Variants in CRB1 observed in about 807,000 individuals in gnomAD.
The protein encoded by CRB1 is protein crumbs homolog 1.
CRB1 carries 83 observed loss-of-function variants against 120.0 expected under a neutral mutation model. That is an observed-to-expected ratio of 0.69 (90% CI 0.58 to 0.83). The LOEUF is 0.83. CRB1 is among the 40% of genes least tolerant of loss of function. The pLI is 0.00. For synonymous variants in CRB1, 625 were observed against 612.5 expected (o/e 1.02, Z -0.30); for missense variants, 1,699 against 1,687.6 (o/e 1.01, Z -0.12).
chr1:197,414,286 A>G (rs1196628043), intron 5 of CRB1, among the ~76,000 whole-genome samples: 1 of 152,168 alleles, frequency 6.6e-6, no homozygotes, highest in African/African-American at 2.4e-5. Context: ...TCTAGTATAT[A>G]TATATCTAGG....
the CRB1 span, among the ~76,000 whole-genome samples, chr1:197,231,037 T>G: frequency 6.6e-6 from 1 of 152,198 alleles, no homozygotes; most frequent in Non-Finnish European, 1.5e-5. Flanking sequence ...TAGCTGTAAT[T>G]AATAGACTTT....
chr1:197,328,435 T>C lies in CRB1; in HGVS notation c.84T>C (p.Asn28=), dbSNP rs1342033464. ...LLIYIKNSFC[N]KNNTRCLSNS... Reference sequence around the variant, plus strand: ...ATTTCCTTGTAGATTCCTTTTGCAATAAAAACAACACCAGGTGCCTCTCAA... The same window carrying C: ...ATTTCCTTGTAGATTCCTTTTGCAACAAAAACAACACCAGGTGCCTCTCAA... The change falls in exon 2 of 12, where the codon AAT becomes AAC. Residue 28 remains asparagine, a synonymous_variant. Transcript: ENST00000367400. 2 of 1,613,312 alleles carry C rather than the reference T, an allele frequency of 1.2e-6. No homozygotes were observed. The highest frequency in any genetic ancestry group is 1.6e-4 in the Middle Eastern group (1 of 6,062).
intron 10 of CRB1, chr1:197,441,659 C>CTTTTTTTTTTTTTTTTTTTTT (rs5779872): frequency 2.9e-5 from 2 of 68,196 alleles, no homozygotes; most frequent in Non-Finnish European, 5.1e-5. Flanking sequence ...TTCCCTCCTT[C>CTTTTTTTTTTTTTTTTTTTTT]TTTTTTTTTT....
chr1:197,306,429 G>A (rs1644411251), intron 1 of CRB1, among the ~76,000 whole-genome samples: 3 of 152,142 alleles, frequency 2.0e-5, no homozygotes, highest in African/African-American at 7.2e-5. Context: ...TAAATTTTGG[G>A]TTTTCTATTA....
chr1:197,292,569 A>G (rs1005233038), intron 1 of CRB1, among the ~76,000 whole-genome samples: 2 of 152,134 alleles, frequency 1.3e-5, no homozygotes, highest in African/African-American at 4.8e-5. Flanking sequence ...TGAGGCCAGC[A>G]TCATCCTGAT....
intron 2 of CRB1, among the ~76,000 whole-genome samples, chr1:197,337,644 GC>G (rs1371132437): frequency 6.6e-6 from 1 of 152,030 alleles, no homozygotes; most frequent in Admixed American, 6.6e-5. Context: ...AACAATGTTT[GC>G]CTTTGTTTTT....
intron 1 of CRB1, among the ~76,000 whole-genome samples, chr1:197,320,749 T>C (rs991467990): frequency 4.6e-5 from 7 of 152,330 alleles, no homozygotes; most frequent in African/African-American, 1.7e-4. Context: ...GAATAGTATA[T>C]GGGATTTATT....
intron 1 of CRB1, among the ~76,000 whole-genome samples, chr1:197,276,465 A>T (rs1171467362): frequency 6.6e-6 from 1 of 151,884 alleles, no homozygotes; most frequent in Non-Finnish European, 1.5e-5. Context: ...CCAAGGGTAC[A>T]GTAGTGAATA....
At chr1:197,443,670 A>G (rs1665566235) in intron 11 of CRB1, 1 of 151,944 alleles carries the variant, frequency 6.6e-6, no homozygotes, top group South Asian at 2.1e-4. Context: ...ATACATCATA[A>G]CCAAAATATA....
chr1:197,361,116 A>AT (rs1398089718), intron 5 of CRB1, among the ~76,000 whole-genome samples: 6 of 149,810 alleles, frequency 4.0e-5, no homozygotes, highest in Admixed American at 6.6e-5. Context: ...CACTTGGTGT[A>AT]TTTTTTTTCA....
chr1:197,342,491 T>C (rs894713076), intron 2 of CRB1, among the ~76,000 whole-genome samples: 1 of 152,210 alleles, frequency 6.6e-6, no homozygotes, highest in Non-Finnish European at 1.5e-5. Flanking sequence ...TTAATCCACT[T>C]CAAATATTTA....
At chr1:197,212,214 G>A in the CRB1 span, among the ~76,000 whole-genome samples, 1 of 152,028 alleles carries the variant, frequency 6.6e-6, no homozygotes, top group East Asian at 1.9e-4. Context: ...GAAAATAGTT[G>A]AGCAATTTCC....
intron 5 of CRB1, among the ~76,000 whole-genome samples, chr1:197,420,614 A>G (rs974607869): frequency 6.6e-6 from 1 of 152,218 alleles, no homozygotes; most frequent in Non-Finnish European, 1.5e-5. Context: ...GACAGAATAT[A>G]CAATGTCTGA....
chr1:197,458,525 C>G (rs980486484), intron 11 of CRB1, among the ~76,000 whole-genome samples: 1 of 152,040 alleles, frequency 6.6e-6, no homozygotes, highest in Non-Finnish European at 1.5e-5. Flanking sequence ...ATAACTGCTC[C>G]CCACAGGATA....
chr1:197,335,406 GT>G (rs1355666166), intron 2 of CRB1, among the ~76,000 whole-genome samples: 13 of 152,368 alleles, frequency 8.5e-5, no homozygotes, highest in Middle Eastern at 3.4e-3. Context: ...TGGAATTCAA[GT>G]GTCTAAGGGA....
At chr1:197,232,551 T>C in the CRB1 span, among the ~76,000 whole-genome samples, 1 of 152,178 alleles carries the variant, frequency 6.6e-6, no homozygotes, top group East Asian at 1.9e-4. Flanking sequence ...CCAACACAGA[T>C]ACTACTCAGT....
chr1:197,323,192 A>G lies in CRB1; in HGVS notation c.71-5230A>G, dbSNP rs541206220. 7.9e-5 allele frequency among the ~76,000 whole-genome samples: 12 copies of G among 152,264 alleles called. No individual in the cohort carries two copies. The South Asian group carries it at 2.5e-3, about 32-fold the overall frequency. On this transcript the variant is annotated intron_variant, in intron 1 of 11. Coordinates refer to ENST00000367400, the MANE Select transcript of CRB1 (RefSeq NM_201253.3). ...AGAGTTCGAAGGGCTGTTTTCATTT[A>G]TTTTACAAATGTCACTTTTTTAACA...
chr1:197,373,870 A>T (rs1000437138), intron 5 of CRB1, among the ~76,000 whole-genome samples: 5 of 152,154 alleles, frequency 3.3e-5, no homozygotes, highest in African/African-American at 1.2e-4. Flanking sequence ...GGTCTTGAAA[A>T]CTGAAAATAA....
intron 11 of CRB1, among the ~76,000 whole-genome samples, chr1:197,467,407 AAAG>A (rs1666797149): frequency 6.6e-6 from 1 of 152,158 alleles, no homozygotes; most frequent in Non-Finnish European, 1.5e-5. Context: ...ATCTCTTAAG[AAAG>A]AAGGCTTCCT....
Sources: allele counts gnomAD v4.1 joint callset (sites outside exome capture counted in the v4.1 genomes callset), GRCh38; gene constraint gnomAD v4.1.1; transcripts MANE v1.5; gene names NCBI Gene and HGNC (gene_info 2026-07-23, HGNC 2026-07-21).